Variants in LRGUK observed in about 807,000 individuals in gnomAD.
LRGUK encodes the protein leucine rich repeats and guanylate kinase domain containing.
A neutral mutation model predicts 76.0 loss-of-function variants in LRGUK; 65 were observed. That is an observed-to-expected ratio of 0.85 (90% CI 0.70 to 1.05). The LOEUF is 1.05. Ranked by LOEUF, LRGUK falls within the 50% of genes least tolerant of loss-of-function variation. The pLI is 0.00. For missense variants in LRGUK, 758 were observed against 732.8 expected (o/e 1.03, Z -0.40); for synonymous variants, 268 against 265.6 (o/e 1.01, Z -0.09).
At chr7:134,174,066 A>G (rs80189222) in intron 7 of LRGUK, among the ~76,000 whole-genome samples, 1 of 150,916 alleles carries the variant, frequency 6.6e-6, no homozygotes, top group Admixed American at 6.7e-5. Context: ...CCGAGATCAC[A>G]GCACTGCACT....
intron 15 of LRGUK, among the ~76,000 whole-genome samples, chr7:134,206,568 A>G (rs886848130): frequency 1.3e-5 from 2 of 150,794 alleles, no homozygotes; most frequent in African/African-American, 2.4e-5. Context: ...GTATATATAT[A>G]TGTGTGTATG....
chr7:134,170,106 G>T (rs1238584281), intron 7 of LRGUK, among the ~76,000 whole-genome samples: 1 of 151,952 alleles, frequency 6.6e-6, no homozygotes, highest in African/African-American at 2.4e-5. Context: ...TACCCATGAG[G>T]TTAAACATTT....
chr7:134,232,840 C>A lies in LRGUK; in HGVS notation c.1983+10922C>A, dbSNP rs914916150. Among the ~76,000 whole-genome samples the A allele has an allele frequency of 4.6e-5, 7 of 152,100 alleles. No individual in the cohort carries two copies. The South Asian group carries it at 8.3e-4, about 18-fold the overall frequency. On this transcript the variant is annotated intron_variant, in intron 16 of 19. Coordinates refer to the LRGUK transcript ENST00000285928. ...TTTCTCATTCCTTGCTTATACAATT[C>A]TTTGTTGCTTTATTTCTTCTCTCTT...
intron 16 of LRGUK, among the ~76,000 whole-genome samples, chr7:134,245,474 C>T (rs1367985424): frequency 2.0e-5 from 3 of 152,126 alleles, no homozygotes; most frequent in African/African-American, 7.2e-5. Context: ...ATACTGATAC[C>T]ATGCAGGTGT....
downstream of LRGUK, among the ~76,000 whole-genome samples, chr7:134,265,204 A>C (rs1390523320): frequency 1.3e-5 from 2 of 152,244 alleles, no homozygotes; most frequent in Non-Finnish European, 2.9e-5. Flanking sequence ...AGTATCGTCT[A>C]ATCTTTAAAA....
intron 12 of LRGUK, among the ~76,000 whole-genome samples, chr7:134,195,022 G>A (rs892532727): frequency 6.6e-6 from 1 of 152,148 alleles, no homozygotes; most frequent in African/African-American, 2.4e-5. Flanking sequence ...GTGGGGGGAA[G>A]CCAGTGAGCC....
exon 14 of LRGUK, chr7:134,199,366 T>G (rs752796083): frequency 1.9e-6 from 3 of 1,613,850 alleles, no homozygotes; most frequent in Non-Finnish European, 1.7e-6. Flanking sequence ...GAGTGGACCT[T>G]TATATTAAAA....
At chr7:134,209,658 T>C (rs1034063517) in exon 16 of LRGUK, 2 of 399,122 alleles carry the variant, frequency 5.0e-6, no homozygotes, top group African/African-American at 2.1e-5. Flanking sequence ...CATCAAACCA[T>C]GACGGTCTCT....
chr7:134,191,512 C>G (rs894660646), intron 11 of LRGUK, 143 bp from the exon 12 acceptor site: 1 of 643,886 alleles, frequency 1.6e-6, no homozygotes, highest in Admixed American at 3.3e-5. Context: ...ACTTCGAAAC[C>G]AACATATTCT....
At chr7:134,221,661 G>A (rs117519505) in intron 15 of LRGUK, 118 bp from the exon 16 acceptor site, 15,952 of 620,994 alleles carry the variant, frequency 0.026, 265 homozygotes, top group Non-Finnish European at 0.031. Flanking sequence ...GTTGAAATGC[G>A]CACATTTTAA....
intron 3 of LRGUK, among the ~76,000 whole-genome samples, chr7:134,142,296 C>G (rs972592421): frequency 6.6e-6 from 1 of 152,208 alleles, no homozygotes; most frequent in Non-Finnish European, 1.5e-5. Flanking sequence ...TGTGACCCTT[C>G]CTGATTCCTT....
intron 10 of LRGUK, among the ~76,000 whole-genome samples, 157 bp from the exon 11 acceptor site, chr7:134,183,577 A>G (rs1422184850): frequency 6.6e-6 from 1 of 152,238 alleles, no homozygotes. Context: ...TTTTTGACAT[A>G]TAATCAATCT....
chr7:134,180,594 T>A (rs1170224071), intron 10 of LRGUK, among the ~76,000 whole-genome samples: 1 of 152,122 alleles, frequency 6.6e-6, no homozygotes. Flanking sequence ...CCATAATTAC[T>A]CATTTGAAAA....
intron 4 of LRGUK, among the ~76,000 whole-genome samples, chr7:134,146,684 A>G (rs1229962750): frequency 6.6e-6 from 1 of 151,832 alleles, no homozygotes; most frequent in East Asian, 1.9e-4. Context: ...TCAGTTTTCT[A>G]CTCTTGCCAT....
At chr7:134,128,490 T>G (rs1797126723) in intron 1 of LRGUK, among the ~76,000 whole-genome samples, 1 of 152,236 alleles carries the variant, frequency 6.6e-6, no homozygotes, top group Admixed American at 6.5e-5. Flanking sequence ...CATCACTTCT[T>G]TTCTCTTGGC....
intron 2 of LRGUK, among the ~76,000 whole-genome samples, chr7:134,137,665 T>A (rs1392490885): frequency 3.1e-4 from 47 of 152,262 alleles, no homozygotes; most frequent in African/African-American, 1.1e-3. Flanking sequence ...CATCATAGAG[T>A]AGCACAAAAC....
exon 14 of LRGUK, chr7:134,199,304 T>A: frequency 6.2e-7 from 1 of 1,613,918 alleles, no homozygotes; most frequent in East Asian, 2.2e-5. Context: ...TGAGGGATAT[T>A]TGCGGAGAAA....
intron 10 of LRGUK, among the ~76,000 whole-genome samples, chr7:134,180,740 T>C (rs1799704528): frequency 6.6e-6 from 1 of 152,196 alleles, no homozygotes; most frequent in Admixed American, 6.5e-5. Context: ...TGGTAAAATA[T>C]ATGTAACAAA....
chr7:134,136,180 A>C (rs1388247578), intron 1 of LRGUK, among the ~76,000 whole-genome samples: 1 of 152,054 alleles, frequency 6.6e-6, no homozygotes. Flanking sequence ...GTCATTATGG[A>C]GTTGAAGGCA....
Sources: gnomAD v4.1 joint callset for allele counts (sites outside exome capture counted in the v4.1 genomes callset) on GRCh38, gnomAD v4.1.1 for gene constraint, MANE v1.5 for transcripts, NCBI Gene and HGNC (gene_info 2026-07-23, HGNC 2026-07-21) for gene names.